PHLDB2: variants seen among roughly 807,000 people sequenced by gnomAD.
PHLDB2 encodes the protein pleckstrin homology-like domain family B member 2.
A neutral mutation model predicts 123.6 loss-of-function variants in PHLDB2; 71 were observed. The observed-to-expected ratio is 0.57, with a 90% CI of 0.47 to 0.70. PHLDB2 has a LOEUF of 0.70. PHLDB2 is among the 30% of genes least tolerant of loss of function. The probability of loss-of-function intolerance (pLI) is 0.00; values close to 1 mark genes in which losing one functional copy is unlikely to be tolerated. For synonymous variants in PHLDB2, 547 were observed against 541.6 expected (o/e 1.01, Z -0.14); for missense variants, 1,446 against 1,519.5 (o/e 0.95, Z 0.80).
At chr3:111,890,610 A>G (rs767443243) in intron 2 of PHLDB2, among the ~76,000 whole-genome samples, 2 of 152,322 alleles carry the variant, frequency 1.3e-5, no homozygotes, top group African/African-American at 2.4e-5. Flanking sequence ...ACTAAGCATA[A>G]TATCTGTAAT....
At position 111,895,851 on chromosome 3, in the gene PHLDB2, A is replaced by C. The variant is rs1373756390; in HGVS notation, c.1335+10439A>C. On this transcript the variant is annotated intron_variant, in intron 2 of 17. Coordinates refer to ENST00000431670, the MANE Select transcript of PHLDB2 (RefSeq NM_001134438.2). ...GCAAAAGAGTGAAACTCAGTCAAAAAAAAAAAATCTATCTATCTATCCATC... is the reference window on the plus strand; with the variant it reads ...GCAAAAGAGTGAAACTCAGTCAAAACAAAAAAATCTATCTATCTATCCATC... 2.5e-5 allele frequency among the ~76,000 whole-genome samples: 3 copies of C among 121,964 alleles called. No homozygotes were observed. In the East Asian group the frequency reaches 7.8e-4, roughly 32 times the overall value. The allele number at this position is 121,964 out of a possible 152,430, so 80.0% of individuals were successfully genotyped here.
At chr3:111,968,029 C>A (rs1485196749) in intron 15 of PHLDB2, among the ~76,000 whole-genome samples, 2 of 148,008 alleles carry the variant, frequency 1.4e-5, no homozygotes, top group Admixed American at 6.7e-5. Flanking sequence ...TCTTAGGGAA[C>A]CACCAACCAA....
At chr3:111,948,511 C>T (rs1352464421) in intron 9 of PHLDB2, among the ~76,000 whole-genome samples, 7 of 152,144 alleles carry the variant, frequency 4.6e-5, no homozygotes, top group East Asian at 1.9e-4. Flanking sequence ...GAAGATTTGT[C>T]GGAAAGGCTC....
intron 1 of PHLDB2, among the ~76,000 whole-genome samples, chr3:111,883,127 T>TC (rs1282596898): frequency 6.6e-6 from 1 of 152,224 alleles, no homozygotes; most frequent in African/African-American, 2.4e-5. Flanking sequence ...TAAGAAAATT[T>TC]TTTTTTATCA....
chr3:111,835,549 T>C (rs576953643), intron 1 of PHLDB2, among the ~76,000 whole-genome samples: 1 of 152,306 alleles, frequency 6.6e-6, no homozygotes, highest in African/African-American at 2.4e-5. Flanking sequence ...CACTGTCGAT[T>C]GCAGTGTAAC....
intron 1 of PHLDB2, among the ~76,000 whole-genome samples, chr3:111,786,707 A>G (rs577789930): frequency 2.6e-5 from 4 of 152,282 alleles, no homozygotes; most frequent in African/African-American, 9.6e-5. Context: ...TAGGCAGATC[A>G]CTTATCTCAC....
chr3:111,882,468 G>A (rs146659621), intron 1 of PHLDB2, among the ~76,000 whole-genome samples: 8 of 152,270 alleles, frequency 5.3e-5, no homozygotes, highest in African/African-American at 1.7e-4. Flanking sequence ...AGGCAGAAAG[G>A]GCACTGTCCT....
intron 4 of PHLDB2, 68 bp from the exon 5 acceptor site, chr3:111,920,214 C>A: frequency 4.5e-6 from 7 of 1,544,180 alleles, no homozygotes; most frequent in Non-Finnish European, 6.1e-6. Flanking sequence ...GCAAATGTAT[C>A]TCTAGGGTGG....
In PHLDB2 at chr3:111,920,377, A is replaced by G; in HGVS notation, c.1959A>G (p.Lys653=). 1 of 1,614,006 alleles carries G rather than the reference A, an allele frequency of 6.2e-7. No individual in the cohort carries two copies. The highest frequency in any genetic ancestry group is 8.5e-7 in the Non-Finnish European group (1 of 1,179,930). Residue 653 remains lysine (K), a synonymous_variant, in exon 5 of 18, where the codon AAA becomes AAG. Coordinates refer to ENST00000431670, the MANE Select transcript of PHLDB2 (RefSeq NM_001134438.2). ...EKEILDHLNR[K]IAELEKNIVG... The stretch of plus-strand genomic sequence containing the variant: ...AGATTTTGGATCATCTAAACCGGAA[A>G]ATAGCTGAACTGGAAAAGAACATTG...
chr3:111,745,873 A>T (rs2059673415), intron 1 of PHLDB2, among the ~76,000 whole-genome samples: 1 of 152,228 alleles, frequency 6.6e-6, no homozygotes, highest in Non-Finnish European at 1.5e-5. Context: ...CTTGGCTAGT[A>T]CTTGGGGTGT....
At chr3:111,910,051 T>C (rs1360342614) in intron 2 of PHLDB2, among the ~76,000 whole-genome samples, 2 of 152,138 alleles carry the variant, frequency 1.3e-5, no homozygotes, top group Non-Finnish European at 2.9e-5. Context: ...GGGCTGTGAA[T>C]CTGCAGTGGG....
At position 111,898,170 on chromosome 3, in the gene PHLDB2, G is replaced by GTGTGTGTGTT. The variant is rs1367688360; in HGVS notation, c.1335+12767_1335+12768insTTGTGTGTGT. Among the ~76,000 whole-genome samples, 6 of 129,968 alleles carry GTGTGTGTGTT rather than the reference G, an allele frequency of 4.6e-5. 1 individual carries two copies. The highest frequency in any genetic ancestry group is 1.8e-4 in the African/African-American group (6 of 33,836). The allele number at this position is 129,968 out of a possible 152,430, so 85.3% of individuals were successfully genotyped here. On this transcript the variant is annotated intron_variant, in intron 2 of 17. Coordinates refer to ENST00000431670, the MANE Select transcript of PHLDB2 (RefSeq NM_001134438.2). ...TGGCTGTGGCAATTTCTTTGTGTGTGTGTGTGTGTGTTTGTGTGTGTGTGT... is the reference window on the plus strand; with the variant it reads ...TGGCTGTGGCAATTTCTTTGTGTGTGTGTGTGTGTTTGTGTGTGTGTTTGTGTGTGTGTGT...
At chr3:111,891,945 C>G (rs1394417894) in intron 2 of PHLDB2, among the ~76,000 whole-genome samples, 2 of 152,140 alleles carry the variant, frequency 1.3e-5, no homozygotes, top group Admixed American at 1.3e-4. Flanking sequence ...GCATCTTGTT[C>G]TTTTGTGGAG....
chr3:111,750,383 A>T (rs527580198), intron 1 of PHLDB2, among the ~76,000 whole-genome samples: 2 of 152,336 alleles, frequency 1.3e-5, no homozygotes, highest in Admixed American at 6.5e-5. Flanking sequence ...AAAATTAAAG[A>T]TTTAAATAAA....
chr3:111,799,897 A>G (rs1359522996), intron 1 of PHLDB2, among the ~76,000 whole-genome samples: 1 of 152,228 alleles, frequency 6.6e-6, no homozygotes, highest in Non-Finnish European at 1.5e-5. Context: ...AAATATTACT[A>G]AGTAAAAGGC....
intron 11 of PHLDB2, among the ~76,000 whole-genome samples, chr3:111,953,505 C>A (rs2070838835): frequency 1.3e-5 from 2 of 152,184 alleles, no homozygotes; most frequent in South Asian, 4.1e-4. Context: ...TAGATTTCTT[C>A]AGTTTCAACC....
intron 13 of PHLDB2, 85 bp downstream of exon 13, chr3:111,962,397 A>C: frequency 3.0e-6 from 4 of 1,353,132 alleles, no homozygotes; most frequent in Non-Finnish European, 4.0e-6. Flanking sequence ...TGGGAACTGT[A>C]TATGCACAAG....
At chr3:111,740,584 G>A (rs1006490341) in intron 1 of PHLDB2, among the ~76,000 whole-genome samples, 1 of 152,048 alleles carries the variant, frequency 6.6e-6, no homozygotes, top group African/African-American at 2.4e-5. Flanking sequence ...TTCTTCTTAG[G>A]TAGTCTCTTG....
chr3:111,831,446 A>AG (rs368214154), intron 1 of PHLDB2, among the ~76,000 whole-genome samples: 2 of 110,158 alleles, frequency 1.8e-5, no homozygotes, highest in Non-Finnish European at 3.1e-5. Context: ...TAGGGACAGT[A>AG]GGGGGGAGTT....
Sources: gnomAD v4.1 joint callset for allele counts (sites outside exome capture counted in the v4.1 genomes callset) on GRCh38, gnomAD v4.1.1 for gene constraint, MANE v1.5 for transcripts, NCBI Gene and HGNC (gene_info 2026-07-23, HGNC 2026-07-21) for gene names.